C16orf96: variants seen among roughly 807,000 people sequenced by gnomAD.
The protein encoded by C16orf96 is chromosome 16 open reading frame 96.
C16orf96 carries 108 observed loss-of-function variants against 103.6 expected under a neutral mutation model. The observed-to-expected ratio is 1.04, with a 90% CI of 0.89 to 1.22. The LOEUF is 1.22. Among genes scored for constraint, C16orf96 ranks in the 50% most tolerant of loss-of-function variants. The probability of loss-of-function intolerance (pLI) is 0.00; values close to 1 mark genes in which losing one functional copy is unlikely to be tolerated. For synonymous variants in C16orf96, 566 were observed against 593.5 expected (o/e 0.95, Z 0.67); for missense variants, 1,586 against 1,464.2 (o/e 1.08, Z -1.36).
intron 13 of C16orf96, 53 bp from the exon 14 acceptor site, chr16:4,594,650 CG>C: frequency 1.9e-6 from 3 of 1,545,056 alleles, no homozygotes; most frequent in South Asian, 1.2e-5. Flanking sequence ...TACCAAAGTT[CG>C]GGGGCAGATC....
the C16orf96 span, among the ~76,000 whole-genome samples, chr16:4,546,040 G>T: frequency 6.6e-6 from 1 of 150,778 alleles, no homozygotes; most frequent in African/African-American, 2.5e-5. Flanking sequence ...AGTAGAGATG[G>T]GGTTTCAGCA....
intron 6 of C16orf96, 68 bp downstream of exon 6, chr16:4,579,093 G>T: frequency 7.3e-7 from 1 of 1,370,792 alleles, no homozygotes; most frequent in South Asian, 1.3e-5. Context: ...AAGACTCCTT[G>T]ACTCTGCCCC....
upstream of C16orf96, among the ~76,000 whole-genome samples, chr16:4,555,124 G>A (rs556622869): frequency 3.3e-5 from 5 of 151,584 alleles, no homozygotes; most frequent in South Asian, 6.3e-4. Context: ...TTAGCTGGGC[G>A]TGGTGGCAGG....
intron 14 of C16orf96, among the ~76,000 whole-genome samples, chr16:4,598,918 G>A (rs1428927028): frequency 1.3e-5 from 2 of 152,146 alleles, no homozygotes. Flanking sequence ...AGGAGTTCAA[G>A]ACTAGCCTGA....
upstream of C16orf96, among the ~76,000 whole-genome samples, chr16:4,552,849 A>G (rs983989940): frequency 1.3e-5 from 2 of 152,220 alleles, no homozygotes; most frequent in African/African-American, 4.8e-5. Flanking sequence ...TCACATTTAA[A>G]TGCTAAATTA....
At chr16:4,549,666 C>T in the C16orf96 span, among the ~76,000 whole-genome samples, 61 of 151,798 alleles carry the variant, frequency 4.0e-4, no homozygotes, top group African/African-American at 1.2e-3. Flanking sequence ...GGCAGGGTTG[C>T]GGGCGCCTGC....
At chr16:4,547,689 C>CTTCCTTCTTTCTTTCTTTCTTTCTTTCT in the C16orf96 span, among the ~76,000 whole-genome samples, 112 of 22,336 alleles carry the variant, frequency 5.0e-3, no homozygotes, top group East Asian at 0.032. Context: ...TCCTTCCTTC[C>CTTCCTTCTTTCTTTCTTTCTTTCTTTCT]TTCTTTCTTT....
At position 4,556,996 on chromosome 16, in the gene C16orf96, G is replaced by A. The variant is rs891872737; in HGVS notation, c.420+87G>A. The A allele has an allele frequency of 3.6e-5, 49 of 1,374,060 alleles. No individual in the cohort carries two copies. In the East Asian group the frequency reaches 6.8e-4, roughly 19 times the overall value. 85.1% of individuals were successfully genotyped at this position (1,374,060 alleles called of 1,614,324 possible). A position where few individuals can be genotyped will look rare whatever the true frequency, so the allele number is the denominator to read the frequency against. ...GTCTTTTTTTTGTTTTTGAGACTCC[G>A]TCTCGCTCTGTCACCCAGGCTGGAG... is the stretch of plus-strand genomic sequence containing the variant. On this transcript the variant is annotated intron_variant, in intron 1 of 15. Transcript: ENST00000444310.
chr16:4,553,348 C>A (rs888850551), upstream of C16orf96, among the ~76,000 whole-genome samples: 4 of 152,146 alleles, frequency 2.6e-5, no homozygotes, highest in African/African-American at 9.7e-5. Context: ...GCAAGAGTGG[C>A]TGCCAGATCA....
chr16:4,548,875 T>A, the C16orf96 span, among the ~76,000 whole-genome samples: 4 of 13,568 alleles, frequency 2.9e-4, no homozygotes, highest in Non-Finnish European at 1.0e-3. Flanking sequence ...AGTGAGACTC[T>A]CAAAAAAAAA....
chr16:4,546,142 C>A, the C16orf96 span, among the ~76,000 whole-genome samples: 1 of 150,488 alleles, frequency 6.6e-6, no homozygotes, highest in Non-Finnish European at 1.5e-5. Flanking sequence ...GCCACCATGC[C>A]TAGCCTCTTT....
chr16:4,582,674 G>A (rs1471281457), intron 7 of C16orf96, among the ~76,000 whole-genome samples: 2 of 152,110 alleles, frequency 1.3e-5, no homozygotes, highest in Non-Finnish European at 2.9e-5. Context: ...TCTTCAGAGA[G>A]ACCCAGGCCA....
chr16:4,545,450 C>T, the C16orf96 span, among the ~76,000 whole-genome samples: 2 of 152,182 alleles, frequency 1.3e-5, no homozygotes, highest in Admixed American at 6.5e-5. Context: ...GCCTGGCCTC[C>T]CAAAGTGCTG....
chr16:4,567,243 A>G (rs1397815477), intron 1 of C16orf96, among the ~76,000 whole-genome samples: 1 of 133,360 alleles, frequency 7.5e-6, no homozygotes, highest in Non-Finnish European at 1.7e-5. Context: ...TCTAATTTCT[A>G]TTTCTATTGT....
At chr16:4,565,457 G>T (rs971253230) in intron 1 of C16orf96, among the ~76,000 whole-genome samples, 15 of 152,268 alleles carry the variant, frequency 9.9e-5, no homozygotes, top group Admixed American at 7.9e-4. Flanking sequence ...TCACACAGAG[G>T]GGGAGGTTGT....
chr16:4,565,713 T>C (rs1056102482), intron 1 of C16orf96, among the ~76,000 whole-genome samples: 2 of 152,220 alleles, frequency 1.3e-5, no homozygotes, highest in Non-Finnish European at 2.9e-5. Flanking sequence ...GATCTCGAAC[T>C]CCTGACCTCA....
intron 1 of C16orf96, among the ~76,000 whole-genome samples, chr16:4,565,709 G>A (rs938994562): frequency 1.3e-5 from 2 of 152,104 alleles, no homozygotes; most frequent in African/African-American, 2.4e-5. Context: ...GGCTGATCTC[G>A]AACTCCTGAC....
In C16orf96 at chr16:4,594,442, A is replaced by G. The variant is rs1259793046; in HGVS notation, c.2959A>G (p.Lys987Glu). 6.4e-7 allele frequency: 1 copy of G among 1,551,516 alleles called. No homozygotes were observed. Among genetic ancestry groups the G allele is most frequent in the Non-Finnish European group, 8.7e-7 (1 of 1,146,988 alleles). ...TGGCCCCCAAAACGCCACCAGCCTC[A>G]AGTGCAAGTCCTGCAACCTGTTGAC... ...GDGPQNATSLKCKSCNLLTLY... is the reference protein window; with the variant it reads ...GDGPQNATSLECKSCNLLTLY... The change falls in exon 13 of 16, where the codon AAG becomes GAG. Residue 987 changes from lysine (K) to glutamate (E), a missense_variant. Lys to Glu is a moderately conservative substitution (Grantham distance 56, BLOSUM62 1). Coordinates refer to ENST00000444310, the MANE Select transcript of C16orf96 (RefSeq NM_001145011.2).
At chr16:4,584,655 C>A (rs1325504737) in intron 7 of C16orf96, among the ~76,000 whole-genome samples, 1 of 152,176 alleles carries the variant, frequency 6.6e-6, no homozygotes, top group Non-Finnish European at 1.5e-5. Flanking sequence ...CTTCCTCAGC[C>A]TCCCGAGTAG....
Sources: allele counts gnomAD v4.1 joint callset (sites outside exome capture counted in the v4.1 genomes callset), GRCh38; gene constraint gnomAD v4.1.1; transcripts MANE v1.5; gene names NCBI Gene and HGNC (gene_info 2026-07-23, HGNC 2026-07-21).